Variants in DTNB observed in about 807,000 individuals in gnomAD.
The protein encoded by DTNB is dystrobrevin beta, also known as DTN-B.
Under a neutral mutation model 90.7 loss-of-function variants are expected in DTNB, and 63 were observed. That is an observed-to-expected ratio of 0.69 (90% CI 0.57 to 0.86). The LOEUF is 0.86. Ranked by LOEUF, DTNB falls within the 40% of genes least tolerant of loss-of-function variation. DTNB has a pLI of 0.00. For synonymous variants in DTNB, 277 were observed against 286.7 expected (o/e 0.97, Z 0.34); for missense variants, 744 against 807.1 (o/e 0.92, Z 0.95).
chr2:25,635,079 GAA>G (rs1277851688), intron 3 of DTNB, among the ~76,000 whole-genome samples: 12 of 140,268 alleles, frequency 8.6e-5, no homozygotes, highest in African/African-American at 3.0e-4. Flanking sequence ...AATAAAAAAA[GAA>G]AAAAAAAAAA....
At chr2:25,446,791 T>G (rs1174360469) in intron 12 of DTNB, among the ~76,000 whole-genome samples, 1 of 152,224 alleles carries the variant, frequency 6.6e-6, no homozygotes, top group Non-Finnish European at 1.5e-5. Context: ...TTGAACACAT[T>G]TTGGAAACTT....
At chr2:25,626,929 T>C (rs572236954) in intron 4 of DTNB, among the ~76,000 whole-genome samples, 31 of 152,370 alleles carry the variant, frequency 2.0e-4, no homozygotes, top group African/African-American at 7.0e-4. Context: ...TCCACAATCA[T>C]AAATCTGTGC....
chr2:25,453,432 C>T (rs2059561083), intron 11 of DTNB, among the ~76,000 whole-genome samples: 1 of 152,280 alleles, frequency 6.6e-6, no homozygotes, highest in East Asian at 1.9e-4. Context: ...GTATGAAGCT[C>T]AGCTTCTTAG....
chr2:25,405,026 C>T (rs1487454163), intron 16 of DTNB, among the ~76,000 whole-genome samples: 1 of 152,124 alleles, frequency 6.6e-6, no homozygotes, highest in Non-Finnish European at 1.5e-5. Context: ...TCACCACAGC[C>T]TTGACCTCCT....
intron 4 of DTNB, among the ~76,000 whole-genome samples, chr2:25,611,092 G>A (rs1051477625): frequency 6.6e-6 from 1 of 152,140 alleles, no homozygotes; most frequent in Non-Finnish European, 1.5e-5. Flanking sequence ...CTTACAGTAT[G>A]CACTCTTTTG....
At chr2:25,591,286 C>T (rs770238702) in intron 6 of DTNB, among the ~76,000 whole-genome samples, 7 of 152,150 alleles carry the variant, frequency 4.6e-5, no homozygotes, top group African/African-American at 1.7e-4. Context: ...CCAGGGAAGG[C>T]GAAGCTCCCA....
intron 9 of DTNB, among the ~76,000 whole-genome samples, chr2:25,507,805 T>C (rs574844182): frequency 3.0e-4 from 46 of 152,324 alleles, no homozygotes; most frequent in South Asian, 1.5e-3. Context: ...CTCTACCATC[T>C]AGCCCTCATA....
chr2:25,385,404 C>G (rs183425301), intron 18 of DTNB, among the ~76,000 whole-genome samples: 1 of 152,262 alleles, frequency 6.6e-6, no homozygotes, highest in African/African-American at 2.4e-5. Context: ...GAAATTGGCA[C>G]CCTCACATGT....
intron 3 of DTNB, among the ~76,000 whole-genome samples, chr2:25,631,499 G>T (rs1375411057): frequency 6.6e-6 from 1 of 151,576 alleles, no homozygotes; most frequent in African/African-American, 2.4e-5. Flanking sequence ...CCTAAGCCCA[G>T]GAGTTGAAGG....
At chr2:25,435,509 TA>T (rs2055435978) in intron 12 of DTNB, among the ~76,000 whole-genome samples, 1 of 152,258 alleles carries the variant, frequency 6.6e-6, no homozygotes, top group African/African-American at 2.4e-5. Context: ...CTTTTATGTC[TA>T]TCTTTTTTCA....
intron 5 of DTNB, among the ~76,000 whole-genome samples, chr2:25,601,508 T>C (rs1468358559): frequency 6.6e-6 from 1 of 152,200 alleles, no homozygotes; most frequent in African/African-American, 2.4e-5. Context: ...ATCACATATG[T>C]CTTGATTTTT....
intron 6 of DTNB, among the ~76,000 whole-genome samples, chr2:25,582,991 C>A (rs1309666565): frequency 6.6e-6 from 1 of 151,988 alleles, no homozygotes; most frequent in Non-Finnish European, 1.5e-5. Context: ...CTGGGCGTGG[C>A]AACTCACACC....
intron 8 of DTNB, among the ~76,000 whole-genome samples, chr2:25,537,608 T>A (rs980136933): frequency 6.6e-6 from 1 of 152,346 alleles, no homozygotes; most frequent in South Asian, 2.1e-4. Flanking sequence ...AACACATGAA[T>A]AAGGGATTTC....
intron 15 of DTNB, among the ~76,000 whole-genome samples, chr2:25,425,091 G>A (rs1419064119): frequency 1.3e-5 from 2 of 152,178 alleles, no homozygotes; most frequent in East Asian, 3.8e-4. Context: ...TTAGATGAGG[G>A]GCTAGGTTGC....
intron 9 of DTNB, among the ~76,000 whole-genome samples, chr2:25,517,533 G>C (rs916440097): frequency 6.6e-6 from 1 of 152,144 alleles, no homozygotes; most frequent in Non-Finnish European, 1.5e-5. Context: ...AGAATAACAA[G>C]TGTTGGCAAG....
intron 15 of DTNB, among the ~76,000 whole-genome samples, chr2:25,420,333 CT>C (rs1308034099): frequency 7.8e-6 from 1 of 127,422 alleles, no homozygotes; most frequent in Admixed American, 9.3e-5. Context: ...AAACTGGAAA[CT>C]GTTTGGAGAC....
At chr2:25,427,396 G>T in intron 15 of DTNB, 139 bp downstream of exon 15, 2 of 733,612 alleles carry the variant, frequency 2.7e-6, no homozygotes, top group South Asian at 2.2e-5. Flanking sequence ...ACCCAATTAG[G>T]CTAAATTTAT....
At position 25,532,435 on chromosome 2, in the gene DTNB, G is replaced by A. The variant is rs77730552; in HGVS notation, c.877-838C>T. Among the ~76,000 whole-genome samples, 652 of 152,174 alleles carry A rather than the reference G, an allele frequency of 4.3e-3. 4 individuals carry two copies. The highest frequency in any genetic ancestry group is 0.015 in the African/African-American group (611 of 41,518). Reference sequence around the variant, plus strand: ...GGTTATGCAGTCAGATACAGATACAGAGTACATTCACAATACACAGGCAGC... The same window carrying A: ...GGTTATGCAGTCAGATACAGATACAAAGTACATTCACAATACACAGGCAGC... On this transcript the variant is annotated intron_variant, in intron 8 of 20. Coordinates refer to ENST00000406818, the MANE Select transcript of DTNB (RefSeq NM_021907.5).
chr2:25,518,071 A>G (rs951288747), intron 9 of DTNB, among the ~76,000 whole-genome samples: 1 of 152,250 alleles, frequency 6.6e-6, no homozygotes, highest in Middle Eastern at 3.4e-3. Context: ...GGGAAAGGGC[A>G]TTGCTGTTTA....
Sources: allele counts gnomAD v4.1 joint callset (sites outside exome capture counted in the v4.1 genomes callset), GRCh38; gene constraint gnomAD v4.1.1; transcripts MANE v1.5; gene names NCBI Gene and HGNC (gene_info 2026-07-23, HGNC 2026-07-21).